The following EXOC6B variants were observed in gnomAD, a reference collection of about 807,000 sequenced individuals.
The protein encoded by EXOC6B is SEC15 homolog B.
EXOC6B carries 54 observed loss-of-function variants against 113.5 expected under a neutral mutation model. The ratio of observed to expected loss-of-function variants is 0.48; its 90% CI spans 0.38 to 0.60. The LOEUF (loss-of-function observed/expected upper bound fraction) is 0.60, where lower values mean the gene tolerates loss of function less well. EXOC6B is among the 20% of genes least tolerant of loss of function. The probability of loss-of-function intolerance (pLI) is 0.00; values close to 1 mark genes in which losing one functional copy is unlikely to be tolerated. For synonymous variants in EXOC6B, 357 were observed against 339.0 expected, an observed-to-expected ratio of 1.05 and a Z score of -0.58; for missense variants, 797 against 977.5, an observed-to-expected ratio of 0.82 and a Z score of 2.46.
intron 1 of EXOC6B, among the ~76,000 whole-genome samples, chr2:72,787,515 T>A (rs72846948): frequency 0.02 from 3,023 of 152,178 alleles, 55 homozygotes; most frequent in Non-Finnish European, 0.032. Context: ...GTTTTCTTTA[T>A]CTTTTTCTTT....
At chr2:72,433,872 C>A (rs1191204856) in intron 18 of EXOC6B, among the ~76,000 whole-genome samples, 3 of 152,140 alleles carry the variant, frequency 2.0e-5, no homozygotes, top group Non-Finnish European at 4.4e-5. Flanking sequence ...GACTTCCTCT[C>A]TTCCTATTTG....
At position 72,268,893 on chromosome 2, in the gene EXOC6B, A is replaced by G. The variant is rs982441652; in HGVS notation, c.2196+66054T>C. ...CAGATGCCAGCCCTGTGCTTTGTGT[A>G]CAGCCTACAGAACAATGAACCAATT... is the stretch of plus-strand genomic sequence containing the variant. On this transcript the variant is annotated intron_variant, in intron 20 of 21. Transcript: ENST00000272427. 3.9e-5 allele frequency among the ~76,000 whole-genome samples: 6 copies of G among 152,176 alleles called. No individual in the cohort carries two copies. In the South Asian group the frequency reaches 1.0e-3, roughly 26 times the overall value.
intron 6 of EXOC6B, among the ~76,000 whole-genome samples, chr2:72,613,511 A>C (rs1671201455): frequency 1.3e-5 from 2 of 152,116 alleles, no homozygotes; most frequent in African/African-American, 4.8e-5. Context: ...TAATATGCAT[A>C]GACTCTTATA....
At chr2:72,735,649 C>G (rs1680900007) in intron 2 of EXOC6B, among the ~76,000 whole-genome samples, 1 of 151,670 alleles carries the variant, frequency 6.6e-6, no homozygotes, top group African/African-American at 2.4e-5. Context: ...AACCCAGTCT[C>G]TACTAAAAAT....
At position 72,825,827 on chromosome 2, in the gene EXOC6B, A is replaced by T; in HGVS notation, c.84T>A (p.Thr28=). 1 of 1,613,322 alleles carries T rather than the reference A, an allele frequency of 6.2e-7. No homozygotes were observed. The highest frequency in any genetic ancestry group is 8.5e-7 in the Non-Finnish European group (1 of 1,179,650). ...HERILREIES[T]DTACIGPTLR... is the part of the protein sequence containing the mutation. ...GCGTGGGCCCGATGCAGGCCGTGTCAGTGCTCTCGATCTCTCGCAGGATCC... is the reference window on the plus strand; with the variant it reads ...GCGTGGGCCCGATGCAGGCCGTGTCTGTGCTCTCGATCTCTCGCAGGATCC... Residue 28 remains threonine, a synonymous_variant, in exon 1 of 22, where the codon ACT becomes ACA. Transcript: ENST00000272427. The surrounding 1 kb of genome is among the most constrained non-coding windows in gnomAD (Gnocchi z 4.4).
At chr2:72,358,954 G>A (rs567039495) in intron 19 of EXOC6B, among the ~76,000 whole-genome samples, 4 of 152,054 alleles carry the variant, frequency 2.6e-5, no homozygotes, top group Non-Finnish European at 5.9e-5. Flanking sequence ...ATTGCTAATT[G>A]CATCATATTT....
intron 17 of EXOC6B, 86 bp from the exon 18 acceptor site, chr2:72,465,425 C>A: frequency 1.0e-6 from 1 of 954,406 alleles, no homozygotes; most frequent in South Asian, 1.7e-5. Context: ...CTGACATATC[C>A]ATTAAGTAAC....
At chr2:72,611,543 T>C (rs920161792) in intron 6 of EXOC6B, among the ~76,000 whole-genome samples, 2 of 152,150 alleles carry the variant, frequency 1.3e-5, no homozygotes, top group African/African-American at 4.8e-5. Flanking sequence ...TAGACTTTAG[T>C]TAGTAGTGAT....
chr2:72,420,614 C>T (rs1465180928), intron 18 of EXOC6B, among the ~76,000 whole-genome samples: 2 of 152,168 alleles, frequency 1.3e-5, no homozygotes, highest in South Asian at 4.1e-4. Flanking sequence ...ATATGTGCCA[C>T]ATTTTCTTAA....
intron 1 of EXOC6B, among the ~76,000 whole-genome samples, chr2:72,744,069 T>A (rs1681530619): frequency 6.6e-6 from 1 of 152,188 alleles, no homozygotes; most frequent in Non-Finnish European, 1.5e-5. Flanking sequence ...ATGTTATAAC[T>A]GCCTACAGTA....
chr2:72,300,968 C>T (rs192571757), intron 20 of EXOC6B, among the ~76,000 whole-genome samples: 7 of 152,192 alleles, frequency 4.6e-5, no homozygotes, highest in African/African-American at 1.7e-4. Flanking sequence ...GGAGCTGTTC[C>T]TATTCGGCCA....
intron 10 of EXOC6B, among the ~76,000 whole-genome samples, chr2:72,513,669 C>A (rs1006875344): frequency 6.6e-6 from 1 of 151,660 alleles, no homozygotes; most frequent in Non-Finnish European, 1.5e-5. Flanking sequence ...ATAATGTATT[C>A]TCTATATATT....
At chr2:72,780,665 T>G (rs1160315186) in intron 1 of EXOC6B, among the ~76,000 whole-genome samples, 1 of 152,158 alleles carries the variant, frequency 6.6e-6, no homozygotes, top group Non-Finnish European at 1.5e-5. Context: ...AAAGTGACTG[T>G]TTTTCATTTT....
At chr2:72,637,573 G>A (rs1336188494) in intron 6 of EXOC6B, among the ~76,000 whole-genome samples, 2 of 152,122 alleles carry the variant, frequency 1.3e-5, no homozygotes, top group Non-Finnish European at 2.9e-5. Flanking sequence ...CAGATCACTT[G>A]AGGTCAGGAG....
chr2:72,546,356 G>C (rs1409565555), intron 8 of EXOC6B, among the ~76,000 whole-genome samples: 1 of 152,146 alleles, frequency 6.6e-6, no homozygotes, highest in Non-Finnish European at 1.5e-5. Context: ...GGCTGAGGCA[G>C]GAGAATCGCT....
intron 11 of EXOC6B, among the ~76,000 whole-genome samples, chr2:72,500,349 T>C (rs1042404440): frequency 6.6e-6 from 1 of 152,144 alleles, no homozygotes; most frequent in Admixed American, 6.5e-5. Context: ...TATTTCTTTA[T>C]GTAAACATCA....
At chr2:72,743,650 C>G (rs1464100478) in intron 1 of EXOC6B, among the ~76,000 whole-genome samples, 1 of 152,170 alleles carries the variant, frequency 6.6e-6, no homozygotes, top group Non-Finnish European at 1.5e-5. Context: ...CATACTGTAC[C>G]TCTATAACAG....
intron 19 of EXOC6B, among the ~76,000 whole-genome samples, chr2:72,339,010 G>A (rs1319117850): frequency 6.6e-6 from 1 of 151,084 alleles, no homozygotes; most frequent in Non-Finnish European, 1.5e-5. Flanking sequence ...TCATATTGCA[G>A]TACTTTCCCT....
At chr2:72,694,266 A>G (rs1677704703) in intron 6 of EXOC6B, among the ~76,000 whole-genome samples, 1 of 152,102 alleles carries the variant, frequency 6.6e-6, no homozygotes, top group Non-Finnish European at 1.5e-5. Context: ...CAACATGGGA[A>G]TCCCATCTCT....
Sources: gnomAD v4.1 joint callset for allele counts (sites outside exome capture counted in the v4.1 genomes callset) on GRCh38, gnomAD v4.1.1 for gene constraint, Gnocchi (gnomAD v3.1) non-coding constraint, MANE v1.5 for transcripts, NCBI Gene and HGNC (gene_info 2026-07-23, HGNC 2026-07-21) for gene names.